PUDP: variants seen among roughly 807,000 people sequenced by gnomAD.
The protein encoded by PUDP is pseudouridine-5'-phosphatase.
In PUDP, 8 loss-of-function variants were observed where a neutral mutation model predicts 9.4. That is an observed-to-expected ratio of 0.85 (90% confidence interval 0.50 to 1.53). The LOEUF is 1.53. Among genes scored for constraint, PUDP ranks in the 40% most tolerant of loss-of-function variants. The pLI is 0.00. For missense variants in PUDP, 188 were observed against 189.7 expected, an observed-to-expected ratio of 0.99 and a Z score of 0.05; for synonymous variants, 99 against 80.7, an observed-to-expected ratio of 1.23 and a Z score of -1.22.
At chrX:6,998,726 T>C (rs1293153039) in intron 1 of PUDP, among the ~76,000 whole-genome samples, 1 of 112,230 alleles carries the variant, frequency 8.9e-6, no homozygotes, top group East Asian at 2.8e-4. Flanking sequence ...AAGAATAAAA[T>C]TTGATTAACC....
chrX:6,782,839 G>C (rs1316503751), intron 3 of PUDP, among the ~76,000 whole-genome samples: 3 of 112,195 alleles, frequency 2.7e-5, no homozygotes, highest in Non-Finnish European at 5.6e-5. Context: ...GATTCAGTTG[G>C]TTCACCAGGA....
At chrX:7,125,033 T>C (rs868659452) in intron 1 of PUDP, among the ~76,000 whole-genome samples, 1 of 100,898 alleles carries the variant, frequency 9.9e-6, no homozygotes, top group Non-Finnish European at 2.0e-5. Context: ...AAAAAAAACA[T>C]AAAAAAAACA....
chrX:6,876,639 A>ATGTGTG (rs111935866), intron 3 of PUDP, among the ~76,000 whole-genome samples: 14,768 of 92,596 alleles, frequency 0.16, 1,299 homozygotes, highest in Non-Finnish European at 0.24. Context: ...CTAAAATGTT[A>ATGTGTG]TGTGTGTGTG....
At chrX:6,971,033 A>G (rs1201663689) in intron 3 of PUDP, among the ~76,000 whole-genome samples, 1 of 110,874 alleles carries the variant, frequency 9.0e-6, no homozygotes, top group African/African-American at 3.3e-5. Flanking sequence ...CCTGGGTGAT[A>G]GAGCAAGACT....
chrX:7,064,721 CAACAGT>C (rs1432997807), intron 3 of PUDP, among the ~76,000 whole-genome samples: 1 of 111,308 alleles, frequency 9.0e-6, no homozygotes, highest in Non-Finnish European at 1.9e-5. Flanking sequence ...GGAAGACCTC[CAACAGT>C]ATGTGATTAA....
intron 1 of PUDP, among the ~76,000 whole-genome samples, chrX:7,027,479 A>T (rs761891141): frequency 1.9e-5 from 2 of 105,688 alleles, no homozygotes; most frequent in Non-Finnish European, 3.9e-5. Context: ...TGTGTGTGTG[A>T]GTGTATGTAT....
chrX:6,887,128 T>TATA (rs59477841), intron 3 of PUDP, among the ~76,000 whole-genome samples: 11,801 of 86,300 alleles, frequency 0.14, 741 homozygotes, highest in East Asian at 0.5. Context: ...GATATATAAG[T>TATA]ATATTTGATT....
chrX:6,984,430 C>A (rs1220744395), intron 1 of PUDP, among the ~76,000 whole-genome samples: 1 of 111,896 alleles, frequency 8.9e-6, no homozygotes, highest in African/African-American at 3.3e-5. Flanking sequence ...CTCAATATAG[C>A]TGTTCTATTT....
chrX:7,023,978 T>C (rs759142209), intron 1 of PUDP, among the ~76,000 whole-genome samples: 188 of 112,235 alleles, frequency 1.7e-3, no homozygotes, highest in Non-Finnish European at 3.0e-3. Context: ...CTGAAGCTAC[T>C]GAAAATAGTA....
upstream of PUDP, among the ~76,000 whole-genome samples, chrX:6,724,501 C>CAA (rs1170392595): frequency 8.3e-3 from 376 of 45,305 alleles, 5 homozygotes; most frequent in Middle Eastern, 0.029. Context: ...ATTCTCTCTC[C>CAA]AAAAAAAAAA....
intron 3 of PUDP, among the ~76,000 whole-genome samples, chrX:6,726,616 ATGATT>A (rs1161244685): frequency 8.9e-6 from 1 of 112,040 alleles, no homozygotes; most frequent in African/African-American, 3.2e-5. Flanking sequence ...AAATCCTGGT[ATGATT>A]TAACATTTTC....
chrX:6,872,735 T>C (rs1927194887), intron 3 of PUDP, among the ~76,000 whole-genome samples: 1 of 98,614 alleles, frequency 1.0e-5, no homozygotes, highest in African/African-American at 3.8e-5. Flanking sequence ...TCTCTAAATA[T>C]AAGGTCACGT....
At chrX:7,026,682 G>A (rs148082318) in intron 1 of PUDP, among the ~76,000 whole-genome samples, 2,237 of 111,358 alleles carry the variant, frequency 0.02, 69 homozygotes, top group African/African-American at 0.069. Context: ...TTCCACCATT[G>A]GGAGTGGGTG....
intron 3 of PUDP, among the ~76,000 whole-genome samples, chrX:6,882,601 G>C (rs748343134): frequency 1.2e-4 from 13 of 111,793 alleles, no homozygotes; most frequent in Non-Finnish European, 2.1e-4. Context: ...AGCCTTGCAG[G>C]GTGGGATCAT....
intron 1 of PUDP, among the ~76,000 whole-genome samples, chrX:7,110,031 T>G (rs1306499864): frequency 8.9e-6 from 1 of 112,469 alleles, no homozygotes; most frequent in African/African-American, 3.2e-5. Flanking sequence ...CTGTAGTAGC[T>G]GCAAGGGCAG....
intron 1 of PUDP, among the ~76,000 whole-genome samples, chrX:7,004,331 T>C (rs1929372208): frequency 9.0e-6 from 1 of 111,593 alleles, no homozygotes; most frequent in African/African-American, 3.3e-5. Flanking sequence ...GTAGAGTGCA[T>C]TGAAGGTGTC....
chrX:6,815,872 T>C (rs775704025), intron 3 of PUDP, among the ~76,000 whole-genome samples: 1 of 109,495 alleles, frequency 9.1e-6, no homozygotes, highest in Non-Finnish European at 1.9e-5. Flanking sequence ...ACTTATTTGC[T>C]CTTGGAGAAT....
At chrX:7,086,940 A>C (rs1931281791) in intron 2 of PUDP, among the ~76,000 whole-genome samples, 1 of 111,974 alleles carries the variant, frequency 8.9e-6, no homozygotes, top group Non-Finnish European at 1.9e-5. Flanking sequence ...AGGCTCTGGC[A>C]AGACTGGCTG....
intron 3 of PUDP, among the ~76,000 whole-genome samples, chrX:6,803,395 A>T (rs751127035): frequency 3.6e-5 from 4 of 112,025 alleles, no homozygotes; most frequent in African/African-American, 1.3e-4. Context: ...CCTTCAAAAA[A>T]AACAAGTGAA....
Sources: gnomAD v4.1 joint callset for allele counts (sites outside exome capture counted in the v4.1 genomes callset) on GRCh38, gnomAD v4.1.1 for gene constraint, MANE v1.5 for transcripts, NCBI Gene and HGNC (gene_info 2026-07-23, HGNC 2026-07-21) for gene names.